The following FHIT variants were observed in gnomAD, a reference collection of about 807,000 sequenced individuals.
FHIT encodes bis(5'-adenosyl)-triphosphatase.
FHIT carries 19 observed loss-of-function variants against 17.9 expected under a neutral mutation model. That is an observed-to-expected ratio of 1.06 (90% CI 0.74 to 1.56). The LOEUF (loss-of-function observed/expected upper bound fraction) is 1.56, where lower values mean the gene tolerates loss of function less well. Among genes scored for constraint, FHIT ranks in the 40% most tolerant of loss-of-function variants. The pLI is 0.00. For synonymous variants in FHIT, 81 were observed against 69.7 expected (o/e 1.16, Z -0.81); for missense variants, 248 against 189.2 (o/e 1.31, Z -1.82).
chr3:60,582,793 T>C (rs1336053067), intron 4 of FHIT, among the ~76,000 whole-genome samples: 4 of 152,128 alleles, frequency 2.6e-5, no homozygotes, highest in Non-Finnish European at 5.9e-5. Context: ...GCATTTATTA[T>C]AGGTTTACTG....
At chr3:59,780,196 C>T (rs1333515868) in intron 8 of FHIT, among the ~76,000 whole-genome samples, 2 of 152,172 alleles carry the variant, frequency 1.3e-5, no homozygotes, top group Non-Finnish European at 1.5e-5. Context: ...GAGACACCAT[C>T]ACTGGCATTG....
At chr3:60,113,545 A>C (rs1047654221) in intron 5 of FHIT, among the ~76,000 whole-genome samples, 9 of 151,818 alleles carry the variant, frequency 5.9e-5, no homozygotes, top group African/African-American at 2.2e-4. Flanking sequence ...ATAAATCAGA[A>C]ATCTTGGCCC....
intron 8 of FHIT, among the ~76,000 whole-genome samples, chr3:59,863,832 C>T (rs945887892): frequency 6.6e-6 from 1 of 152,212 alleles, no homozygotes; most frequent in Admixed American, 6.5e-5. Flanking sequence ...AATTCAGCTC[C>T]TGCTCACCCA....
At chr3:60,187,223 C>A (rs1702195116) in intron 5 of FHIT, among the ~76,000 whole-genome samples, 2 of 152,058 alleles carry the variant, frequency 1.3e-5, no homozygotes, top group Admixed American at 6.6e-5. Flanking sequence ...AAATGTGAAA[C>A]CCCCTAATGT....
At chr3:59,785,920 C>G (rs62239748) in intron 8 of FHIT, among the ~76,000 whole-genome samples, 8 of 152,184 alleles carry the variant, frequency 5.3e-5, no homozygotes, top group South Asian at 4.1e-4. Flanking sequence ...AGTGCCCCAC[C>G]TATGCGCTCC....
At chr3:60,270,315 G>C (rs1389194594) in intron 5 of FHIT, among the ~76,000 whole-genome samples, 1 of 152,162 alleles carries the variant, frequency 6.6e-6, no homozygotes, top group Non-Finnish European at 1.5e-5. Flanking sequence ...TGCAGTGAGA[G>C]ACACATTTGT....
At chr3:60,231,851 A>C (rs1488568709) in intron 5 of FHIT, among the ~76,000 whole-genome samples, 8 of 152,162 alleles carry the variant, frequency 5.3e-5, no homozygotes. Flanking sequence ...TCAAGTCTCT[A>C]ATCATTTGAC....
At chr3:60,301,244 T>A (rs73101252) in intron 5 of FHIT, among the ~76,000 whole-genome samples, 1 of 152,176 alleles carries the variant, frequency 6.6e-6, no homozygotes, top group African/African-American at 2.4e-5. Context: ...ACATGTCATA[T>A]TGGCATTGCT....
At chr3:60,779,084 C>G (rs1157775565) in intron 4 of FHIT, among the ~76,000 whole-genome samples, 4 of 152,158 alleles carry the variant, frequency 2.6e-5, no homozygotes, top group Non-Finnish European at 5.9e-5. Flanking sequence ...TCCATCAGTG[C>G]CAATCCAAAA....
At chr3:60,205,269 G>C (rs1217866900) in intron 5 of FHIT, among the ~76,000 whole-genome samples, 1 of 152,064 alleles carries the variant, frequency 6.6e-6, no homozygotes, top group Non-Finnish European at 1.5e-5. Context: ...ATTATTGAAA[G>C]ATAAAAGAAT....
At chr3:60,036,340 G>C (rs1575944156) in intron 5 of FHIT, among the ~76,000 whole-genome samples, 3 of 152,078 alleles carry the variant, frequency 2.0e-5, no homozygotes, top group East Asian at 3.9e-4. Context: ...AATATACAGA[G>C]CATGTTATTT....
intron 4 of FHIT, among the ~76,000 whole-genome samples, chr3:60,819,905 G>A (rs191098009): frequency 3.1e-4 from 47 of 152,124 alleles, no homozygotes; most frequent in African/African-American, 1.1e-3. Flanking sequence ...GAGTAAGTAG[G>A]GTTTCTAAAA....
chr3:60,959,543 A>T (rs1183438665), intron 3 of FHIT, among the ~76,000 whole-genome samples: 1 of 152,184 alleles, frequency 6.6e-6, no homozygotes, highest in African/African-American at 2.4e-5. Context: ...GTGAGGAAAT[A>T]GTAATGCAGA....
intron 3 of FHIT, among the ~76,000 whole-genome samples, chr3:60,832,433 C>T (rs1482265832): frequency 6.6e-6 from 1 of 152,058 alleles, no homozygotes. Context: ...CCTTGCCATG[C>T]CCAATGTCTG....
intron 4 of FHIT, among the ~76,000 whole-genome samples, chr3:60,808,197 T>C (rs1258608868): frequency 1.3e-5 from 2 of 152,232 alleles, no homozygotes; most frequent in Non-Finnish European, 2.9e-5. Flanking sequence ...AACTTTTATG[T>C]AAGGTATGTG....
chr3:60,569,756 T>TATATATATATATATATA lies in FHIT; in HGVS notation c.-17-32778_-17-32777insTATATATATATATATAT, dbSNP rs1491532042. The stretch of plus-strand genomic sequence containing the variant: ...ATATATATATATATATATATATATA[T>TATATATATATATATATA]TTTTTTTTTTTTTAGACAGAGTTTT... On this transcript the variant is annotated intron_variant, in intron 4 of 9. Transcript: ENST00000492590. Among the ~76,000 whole-genome samples the TATATATATATATATATA allele has an allele frequency of 2.0e-3, 57 of 28,636 alleles. 1 individual carries two copies. Among genetic ancestry groups the TATATATATATATATATA allele is most frequent in the Admixed American group, 2.5e-3 (6 of 2,394 alleles). 18.8% of individuals were successfully genotyped at this position (28,636 alleles called of 152,430 possible).
chr3:60,933,268 C>G (rs1337049857), intron 3 of FHIT, among the ~76,000 whole-genome samples: 2 of 152,020 alleles, frequency 1.3e-5, no homozygotes, highest in Non-Finnish European at 2.9e-5. Flanking sequence ...AAATACAGTA[C>G]AAGGCACATA....
intron 8 of FHIT, among the ~76,000 whole-genome samples, chr3:59,921,969 T>C (rs1705426526): frequency 6.6e-6 from 1 of 152,202 alleles, no homozygotes; most frequent in Non-Finnish European, 1.5e-5. Context: ...AAAAATTAAG[T>C]GTAGCATTTG....
At chr3:60,406,795 T>A (rs954925841) in intron 5 of FHIT, among the ~76,000 whole-genome samples, 1 of 152,132 alleles carries the variant, frequency 6.6e-6, no homozygotes, top group Admixed American at 6.6e-5. Flanking sequence ...TGTTGGCAAC[T>A]GTTTAGTTCA....
Sources: gnomAD v4.1 joint callset for allele counts (sites outside exome capture counted in the v4.1 genomes callset) on GRCh38, gnomAD v4.1.1 for gene constraint, MANE v1.5 for transcripts, NCBI Gene and HGNC (gene_info 2026-07-23, HGNC 2026-07-21) for gene names.